Variants in SNTB1 observed in about 807,000 individuals in gnomAD.
The protein encoded by SNTB1 is syntrophin beta 1.
Under a neutral mutation model 48.9 loss-of-function variants are expected in SNTB1, and 36 were observed. The observed-to-expected ratio is 0.74, with a 90% confidence interval of 0.56 to 0.97. The LOEUF (loss-of-function observed/expected upper bound fraction) is 0.97. Ranked by LOEUF, SNTB1 falls within the 50% of genes least tolerant of loss-of-function variation. SNTB1 has a pLI of 0.00. For missense variants in SNTB1, 786 were observed against 703.4 expected (o/e 1.12, Z -1.33); for synonymous variants, 299 against 294.6 (o/e 1.01, Z -0.15).
Position 120,753,714 on chromosome 8 carries a change from C to T in SNTB1, c.571+57559G>A, listed in dbSNP as rs543769528. Among the ~76,000 whole-genome samples, 12 of 152,198 alleles carry T rather than the reference C, an allele frequency of 7.9e-5. No homozygotes were observed. The South Asian group carries it at 1.5e-3, about 18-fold the overall frequency. ...CAGGTGTGTGCGGTCAGCAGAACAA[C>T]GATCAGATCAAATTCTTCTGGGAAG... is the stretch of plus-strand genomic sequence containing the variant. On this transcript the variant is annotated intron_variant, in intron 1 of 6. Transcript: ENST00000517992.
chr8:120,675,805 CAG>C (rs1227727789), intron 2 of SNTB1, among the ~76,000 whole-genome samples: 3 of 152,190 alleles, frequency 2.0e-5, no homozygotes, highest in Non-Finnish European at 2.9e-5. Flanking sequence ...AGTCAGGGCA[CAG>C]AGTTTCCTTT....
At chr8:120,570,830 C>G (rs568919353) in intron 4 of SNTB1, 1 of 161,398 alleles carries the variant, frequency 6.2e-6, no homozygotes, top group African/African-American at 2.4e-5. Context: ...GGGCTCCCTT[C>G]CCTTGTTCCT....
intron 2 of SNTB1, among the ~76,000 whole-genome samples, chr8:120,653,408 A>G (rs547079322): frequency 6.6e-6 from 1 of 152,282 alleles, no homozygotes; most frequent in African/African-American, 2.4e-5. Context: ...GCAGGCAACC[A>G]CGAGAAGTTA....
intron 2 of SNTB1, among the ~76,000 whole-genome samples, chr8:120,634,173 C>G (rs549122154): frequency 2.0e-5 from 3 of 152,038 alleles, no homozygotes; most frequent in Non-Finnish European, 4.4e-5. Flanking sequence ...TATTCATTCA[C>G]GTATATATGC....
At chr8:120,565,460 C>A (rs539711225) in intron 4 of SNTB1, among the ~76,000 whole-genome samples, 3 of 152,138 alleles carry the variant, frequency 2.0e-5, no homozygotes, top group Non-Finnish European at 4.4e-5. Context: ...GGCTGGGATT[C>A]GGAGCCAGGT....
At chr8:120,737,032 T>C (rs1480318140) in intron 1 of SNTB1, among the ~76,000 whole-genome samples, 2 of 152,230 alleles carry the variant, frequency 1.3e-5, no homozygotes, top group Non-Finnish European at 2.9e-5. Flanking sequence ...CAACGTGATA[T>C]ATTAGCATGA....
chr8:120,658,087 C>T (rs1817529324), intron 2 of SNTB1, among the ~76,000 whole-genome samples: 1 of 152,170 alleles, frequency 6.6e-6, no homozygotes, highest in Non-Finnish European at 1.5e-5. Flanking sequence ...GTAATTTCTA[C>T]TAAATCTTTC....
At chr8:120,779,961 T>C (rs1261800294) in intron 1 of SNTB1, among the ~76,000 whole-genome samples, 1 of 152,028 alleles carries the variant, frequency 6.6e-6, no homozygotes, top group African/African-American at 2.4e-5. Flanking sequence ...GCTCTAGATA[T>C]ATTACATTGA....
At chr8:120,551,210 G>A (rs144933716) in intron 4 of SNTB1, among the ~76,000 whole-genome samples, 8,275 of 148,992 alleles carry the variant, frequency 0.056, 323 homozygotes, top group East Asian at 0.13. Context: ...AGCCAAGATC[G>A]TGCCACTGCA....
intron 1 of SNTB1, among the ~76,000 whole-genome samples, chr8:120,797,886 GGTT>G (rs1260927855): frequency 1.1e-4 from 16 of 152,030 alleles, no homozygotes; most frequent in African/African-American, 3.9e-4. Flanking sequence ...TCACAAAGCT[GGTT>G]TGTACACCTT....
intron 1 of SNTB1, among the ~76,000 whole-genome samples, chr8:120,727,006 T>C (rs371073037): frequency 1.3e-5 from 2 of 152,264 alleles, no homozygotes; most frequent in South Asian, 2.1e-4. Flanking sequence ...GCTGCAGGAA[T>C]TATAGGAAGC....
intron 4 of SNTB1, chr8:120,570,109 G>T (rs11786460): frequency 0.46 from 70,157 of 152,066 alleles, 18,634 homozygotes; most frequent in Non-Finnish European, 0.62. Context: ...TTACCAGGGG[G>T]TTGAAGTCCC....
chr8:120,567,905 A>T (rs1402623159), intron 4 of SNTB1, among the ~76,000 whole-genome samples: 1 of 152,256 alleles, frequency 6.6e-6, no homozygotes, highest in African/African-American at 2.4e-5. Context: ...ATAAATTTTT[A>T]AAAACAGGAA....
intron 1 of SNTB1, among the ~76,000 whole-genome samples, chr8:120,699,663 G>A (rs564435406): frequency 9.5e-4 from 144 of 152,210 alleles, no homozygotes; most frequent in African/African-American, 3.3e-3. Context: ...CCTTTATAGC[G>A]ATGCAAAATG....
intron 1 of SNTB1, 132 bp downstream of exon 1, chr8:120,811,141 C>T: frequency 7.9e-7 from 1 of 1,264,426 alleles, no homozygotes; most frequent in Non-Finnish European, 1.1e-6. Context: ...TCCCCCCCCC[C>T]CAACACACAC....
At chr8:120,776,371 C>G (rs1410392601) in intron 1 of SNTB1, 1 of 152,164 alleles carries the variant, frequency 6.6e-6, no homozygotes, top group Non-Finnish European at 1.5e-5. Flanking sequence ...GTTTTCTTAT[C>G]CTGGGTTACC....
intron 2 of SNTB1, among the ~76,000 whole-genome samples, chr8:120,664,358 C>T (rs1817640016): frequency 6.6e-6 from 1 of 152,184 alleles, no homozygotes; most frequent in Non-Finnish European, 1.5e-5. Flanking sequence ...ATTTCTATAA[C>T]TGCATTTCTA....
intron 2 of SNTB1, among the ~76,000 whole-genome samples, chr8:120,683,740 C>G (rs1817978918): frequency 6.6e-6 from 1 of 152,140 alleles, no homozygotes; most frequent in Non-Finnish European, 1.5e-5. Context: ...ATAATCTCTG[C>G]TTGACAGCTT....
intron 1 of SNTB1, among the ~76,000 whole-genome samples, chr8:120,799,886 C>T (rs538926544): frequency 3.3e-5 from 5 of 152,126 alleles, no homozygotes; most frequent in South Asian, 2.1e-4. Flanking sequence ...GGGCATTATG[C>T]AACTTTTCAA....
Sources: gnomAD v4.1 joint callset for allele counts (sites outside exome capture counted in the v4.1 genomes callset) on GRCh38, gnomAD v4.1.1 for gene constraint, MANE v1.5 for transcripts, NCBI Gene and HGNC (gene_info 2026-07-23, HGNC 2026-07-21) for gene names.